Variants in ABCA9 observed in about 807,000 individuals in gnomAD.
ABCA9 encodes ATP binding cassette subfamily A member 9.
In ABCA9, 183 loss-of-function variants were observed where a neutral mutation model predicts 205.3. That is an observed-to-expected ratio of 0.89 (90% CI 0.79 to 1.01). ABCA9 has a LOEUF of 1.01. Ranked by LOEUF, ABCA9 falls within the 50% of genes least tolerant of loss-of-function variation. ABCA9 has a pLI of 0.00. For missense variants in ABCA9, 1,805 were observed against 1,912.4 expected (o/e 0.94, Z 1.05); for synonymous variants, 651 against 683.3 (o/e 0.95, Z 0.74).
Position 69,017,698 on chromosome 17 carries a change from G to A in ABCA9, c.2859C>T (p.Asp953=). Residue 953 remains aspartate (D), a synonymous_variant, in exon 21 of 39, where the codon GAC becomes GAT. Transcript: ENST00000340001. ...DAFGTRNGTD[D]PSYNGAIIVS... is the part of the protein sequence containing the mutation. ...CAATGATAGCACCATTGTAAGATGG[G>A]TCATCTGTGCCATTTCTAGTTCCAA... 2 of 1,613,366 alleles carry A rather than the reference G, an allele frequency of 1.2e-6. No homozygotes were observed. The highest frequency in any genetic ancestry group is 1.7e-6 in the Non-Finnish European group (2 of 1,179,474).
Position 68,990,902 on chromosome 17 carries a change from C to T in ABCA9, c.3772G>A (p.Glu1258Lys). ...FPNPEEPEGEEEDIQMERMRT... is the reference protein window; with the variant it reads ...FPNPEEPEGEKEDIQMERMRT... ...ATTCTTTCCATCTGGATATCTTCCT[C>T]CTCTCCTTCAGGCTCTTCTGGGTTT... Residue 1258 changes from glutamate to lysine, a missense_variant, in exon 29 of 39, where the codon GAG (glutamate) becomes AAG (lysine). Physicochemically the swap from Glu to Lys is moderately conservative, Grantham distance 56. Transcript: ENST00000340001. 1 of 1,613,986 alleles carries T rather than the reference C, an allele frequency of 6.2e-7. No homozygotes were observed. Among genetic ancestry groups the T allele is most frequent in the Non-Finnish European group, 8.5e-7 (1 of 1,179,934 alleles).
intron 28 of ABCA9, among the ~76,000 whole-genome samples, chr17:68,991,625 C>A (rs369016803): frequency 1.3e-5 from 2 of 152,190 alleles, no homozygotes; most frequent in Non-Finnish European, 2.9e-5. Context: ...AAACATTAGA[C>A]TTAAGCTTGG....
chr17:69,060,801 C>T (rs1378660819), intron 1 of ABCA9, 65 bp downstream of exon 1: 2 of 941,542 alleles, frequency 2.1e-6, no homozygotes, highest in East Asian at 2.3e-4. Context: ...GTCTGGCATG[C>T]CTATTTATAG....
chr17:69,020,380 A>T lies in ABCA9; in HGVS notation c.2600+8T>A, dbSNP rs2070770613. 1 of 1,602,906 alleles carries T rather than the reference A, an allele frequency of 6.2e-7. No individual in the cohort carries two copies. Among genetic ancestry groups the T allele is most frequent in the South Asian group, 1.1e-5 (1 of 88,140 alleles). ...GACAAAACAAATCTGAAACACTCAG[A>T]TACTCACATAGTCCACAGGCTTTTT... On this transcript the variant is annotated splice_region_variant and intron_variant, in intron 19 of 38. Transcript: ENST00000340001.
intron 3 of ABCA9, 54 bp downstream of exon 3, chr17:69,049,229 G>T: frequency 6.9e-7 from 1 of 1,445,794 alleles, no homozygotes; most frequent in South Asian, 1.3e-5. Context: ...ATCTCAAAAT[G>T]AATTTGTGCC....
At chr17:68,998,767 T>C (rs1244834920) in intron 25 of ABCA9, among the ~76,000 whole-genome samples, 1 of 152,026 alleles carries the variant, frequency 6.6e-6, no homozygotes, top group Non-Finnish European at 1.5e-5. Flanking sequence ...TCAGCCTTTT[T>C]CAGAATTCAT....
chr17:69,035,113 C>T, intron 8 of ABCA9, 133 bp downstream of exon 8: 1 of 733,190 alleles, frequency 1.4e-6, no homozygotes, highest in Non-Finnish European at 1.9e-6. Flanking sequence ...AAATTAAAGT[C>T]ACTCCTGTCT....
chr17:68,987,761 TGTTTG>T (rs147280397), intron 31 of ABCA9, among the ~76,000 whole-genome samples: 37,363 of 128,374 alleles, frequency 0.29, 6,292 homozygotes, highest in Non-Finnish European at 0.38. Context: ...TTTGTTTGTT[TGTTTG>T]TTTTTTTGTT....
chr17:69,033,324 G>GAAAAACAAAAAAAAA, intron 9 of ABCA9: 1 of 111,046 alleles, frequency 9.0e-6, no homozygotes, highest in Non-Finnish European at 1.9e-5. Context: ...AAAAAAAAAG[G>GAAAAACAAAAAAAAA]AAAGAAAGAA....
intron 25 of ABCA9, among the ~76,000 whole-genome samples, chr17:69,004,315 G>C (rs2070021348): frequency 6.6e-6 from 1 of 152,188 alleles, no homozygotes; most frequent in Admixed American, 6.5e-5. Flanking sequence ...TGTCCTTTCT[G>C]TTTGTTAGTT....
At chr17:68,997,958 C>A (rs576273125) in intron 25 of ABCA9, among the ~76,000 whole-genome samples, 9 of 152,290 alleles carry the variant, frequency 5.9e-5, no homozygotes, top group African/African-American at 1.9e-4. Flanking sequence ...CTCCCTATGA[C>A]CCCTGGCAAC....
At chr17:69,051,372 A>G (rs536963465) in intron 1 of ABCA9, among the ~76,000 whole-genome samples, 1 of 152,352 alleles carries the variant, frequency 6.6e-6, no homozygotes, top group South Asian at 2.1e-4. Context: ...GGATTGAGAA[A>G]AATCAGAAGA....
chr17:69,012,463 T>C (rs1249888859), intron 22 of ABCA9: 2 of 159,444 alleles, frequency 1.3e-5, no homozygotes, highest in African/African-American at 4.8e-5. Flanking sequence ...GGACTGTCAG[T>C]GGAGGGGCTA....
intron 25 of ABCA9, among the ~76,000 whole-genome samples, chr17:69,005,369 G>A (rs897851443): frequency 1.1e-4 from 17 of 152,284 alleles, no homozygotes; most frequent in African/African-American, 1.2e-4. Context: ...CCTATTAGAC[G>A]TTGGGCCACA....
chr17:68,987,663 C>A (rs1161697222), intron 31 of ABCA9, among the ~76,000 whole-genome samples: 1 of 152,074 alleles, frequency 6.6e-6, no homozygotes, highest in African/African-American at 2.4e-5. Flanking sequence ...GGGCTGGTTG[C>A]AGCCATGGTA....
chr17:69,035,661 A>C lies in ABCA9; in HGVS notation c.941T>G (p.Leu314Trp). The C allele has an allele frequency of 2.5e-6, 4 of 1,613,362 alleles. No individual in the cohort carries two copies. Among genetic ancestry groups the C allele is most frequent in the Non-Finnish European group, 3.4e-6 (4 of 1,179,692 alleles). ...FTLFLLYGLS[L>W]ITLAFLMSVL... ...CTTAGATGAAATTAACCAACTCACC[A>C]AAGACAGGCCATAGAGGAGAAAGAG... The change falls in exon 7 of 39, where the codon TTG becomes TGG. Residue 314 changes from leucine (L) to tryptophan (W), a missense_variant and splice_region_variant. Leu to Trp is a moderately conservative substitution (Grantham distance 61, BLOSUM62 -2). Coordinates refer to ENST00000340001, the MANE Select transcript of ABCA9 (RefSeq NM_080283.4).
intron 22 of ABCA9, among the ~76,000 whole-genome samples, chr17:69,015,756 T>A (rs1403343931): frequency 6.6e-6 from 1 of 152,078 alleles, no homozygotes; most frequent in Non-Finnish European, 1.5e-5. Context: ...AATCTGTTTT[T>A]TGTAAATTGA....
the ABCA9 span, among the ~76,000 whole-genome samples, chr17:69,071,167 C>T: frequency 1.3e-5 from 2 of 152,206 alleles, no homozygotes; most frequent in Non-Finnish European, 2.9e-5. Context: ...GGCACAGCTT[C>T]AGCAGACTTA....
intron 1 of ABCA9, among the ~76,000 whole-genome samples, chr17:69,060,205 T>C (rs2072199001): frequency 6.6e-6 from 1 of 152,168 alleles, no homozygotes; most frequent in Admixed American, 6.5e-5. Context: ...ACCGTAATAA[T>C]ATAAAACATC....
Sources: gnomAD v4.1 joint callset for allele counts (sites outside exome capture counted in the v4.1 genomes callset) on GRCh38, gnomAD v4.1.1 for gene constraint, MANE v1.5 for transcripts, NCBI Gene and HGNC (gene_info 2026-07-23, HGNC 2026-07-21) for gene names.